DICER1: variants seen among roughly 807,000 people sequenced by gnomAD.
The protein encoded by DICER1 is dicer 1, ribonuclease III, also known as endoribonuclease Dicer.
A neutral mutation model predicts 194.1 loss-of-function variants in DICER1; 43 were observed. The ratio of observed to expected loss-of-function variants is 0.22; its 90% confidence interval spans 0.17 to 0.29. The LOEUF (loss-of-function observed/expected upper bound fraction) is 0.29. DICER1 is among the 10% of genes least tolerant of loss of function. The pLI is 1.00. For synonymous variants in DICER1, 832 were observed against 820.5 expected (o/e 1.01, Z -0.24); for missense variants, 1,608 against 2,317.0 (o/e 0.69, Z 6.28).
chr14:95,098,299 C>T (rs1251421892), intron 22 of DICER1, among the ~76,000 whole-genome samples: 2 of 152,180 alleles, frequency 1.3e-5, no homozygotes, highest in South Asian at 2.1e-4. Context: ...TTGATACTCT[C>T]GTCTATTAAG....
In DICER1 at chr14:95,124,800, T is replaced by G; in HGVS notation, c.904-132A>C. 1.3e-6 allele frequency: 1 copy of G among 756,830 alleles called. No homozygotes were observed. Among genetic ancestry groups the G allele is most frequent in the Non-Finnish European group, 2.2e-6 (1 of 457,146 alleles). 46.9% of individuals were successfully genotyped at this position (756,830 alleles called of 1,614,324 possible). ...GTAACCCAGCCTTAGGTTAAGTCCC[T>G]GAAGGTGGGGGGAGAGGCCATTAGC... On this transcript the variant is annotated intron_variant, in intron 7 of 26. Transcript: ENST00000343455. The surrounding 1 kb of genome is among the most constrained non-coding windows in gnomAD (Gnocchi z 4.5).
At position 95,086,258 on chromosome 14, in the gene DICER1, C is replaced by G. The variant is rs1264668951; in HGVS notation, c.*4240G>C. 8.6e-6 allele frequency: 2 copies of G among 232,256 alleles called. No homozygotes were observed. The highest frequency in any genetic ancestry group is 4.4e-5 in the African/African-American group (2 of 45,260). The allele number at this position is 232,256 out of a possible 1,614,324, so 14.4% of individuals were successfully genotyped here. A position where few individuals can be genotyped will look rare whatever the true frequency, so the allele number is the denominator to read the frequency against. On this transcript the variant is annotated 3_prime_UTR_variant, in exon 27 of 27. Transcript: ENST00000343455. Reference sequence around the variant, plus strand: ...AGACGATAACTTTATTGGAGATTTACTTGGCTACAATTATTACAAAAAAAA... The same window carrying G: ...AGACGATAACTTTATTGGAGATTTAGTTGGCTACAATTATTACAAAAAAAA...
chr14:95,120,397 G>A (rs1892841651), intron 8 of DICER1, among the ~76,000 whole-genome samples: 1 of 152,302 alleles, frequency 6.6e-6, no homozygotes, highest in South Asian at 2.1e-4. Context: ...CAACAAGCCA[G>A]TAAGAGAGGG....
intron 6 of DICER1, chr14:95,129,110 T>C (rs114086749): frequency 0.011 from 2,118 of 187,374 alleles, 41 homozygotes; most frequent in African/African-American, 0.047. Flanking sequence ...AATAACTTAA[T>C]GTTCTTTGAA....
rs1889629234 is a variant in DICER1 at position 95,089,805 on chromosome 14, T to C, written c.*693A>G. 1 of 232,378 alleles carries C rather than the reference T, an allele frequency of 4.3e-6. No homozygotes were observed. Among genetic ancestry groups the C allele is most frequent in the Non-Finnish European group, 8.5e-6 (1 of 117,426 alleles). The allele number at this position is 232,378 out of a possible 1,614,324, so 14.4% of individuals were successfully genotyped here. ...AGTTTGTTCCAAAAAGATCAGAGAT[T>C]AAAGACTATCCATGAAGGTTTCACT... On this transcript the variant is annotated 3_prime_UTR_variant, in exon 27 of 27. Coordinates refer to ENST00000343455, the MANE Select transcript of DICER1 (RefSeq NM_177438.3).
At position 95,107,856 on chromosome 14, in the gene DICER1, CAAAGTA is replaced by C; in HGVS notation, c.2650+18_2650+23del. On this transcript the variant is annotated intron_variant, in intron 16 of 26. Coordinates refer to ENST00000343455, the MANE Select transcript of DICER1 (RefSeq NM_177438.3). ...TGTTTGTATATGTGTCTAGAGTTATCAAAGTAAGAGATTTTTTTCTTACCAACATTA... is the reference window on the plus strand; with the variant it reads ...TGTTTGTATATGTGTCTAGAGTTATCAGAGATTTTTTTCTTACCAACATTA... The C allele has an allele frequency of 6.2e-7, 1 of 1,609,496 alleles. No homozygotes were observed. Among genetic ancestry groups the C allele is most frequent in the Non-Finnish European group, 8.5e-7 (1 of 1,175,930 alleles).
At position 95,124,729 on chromosome 14, in the gene DICER1, T is replaced by G; in HGVS notation, c.904-61A>C. On this transcript the variant is annotated intron_variant, in intron 7 of 26. Transcript: ENST00000343455. The surrounding 1 kb of genome is among the most constrained non-coding windows in gnomAD (Gnocchi z 4.5). ...ATAATAATAATGTAGCATTTTCATG[T>G]GGGGTTTAACTGGGATTTCAGTTGT... is the stretch of plus-strand genomic sequence containing the variant. The G allele has an allele frequency of 7.1e-7, 1 of 1,399,208 alleles. No individual in the cohort carries two copies. The highest frequency in any genetic ancestry group is 1.2e-5 in the South Asian group (1 of 85,730). 86.7% of individuals were successfully genotyped at this position (1,399,208 alleles called of 1,614,324 possible). A position where few individuals can be genotyped will look rare whatever the true frequency, so the allele number is the denominator to read the frequency against.
intron 1 of DICER1, among the ~76,000 whole-genome samples, chr14:95,149,323 G>C (rs1427847554): frequency 2.0e-5 from 3 of 152,146 alleles, no homozygotes; most frequent in Admixed American, 6.5e-5. Flanking sequence ...TATATTAAAA[G>C]GTCCAGGCAA....
intron 11 of DICER1, among the ~76,000 whole-genome samples, chr14:95,114,460 C>T (rs968922330): frequency 2.0e-5 from 3 of 152,056 alleles, no homozygotes; most frequent in South Asian, 2.1e-4. Flanking sequence ...AATGAATAAA[C>T]GGAGAGAAGA....
At chr14:95,107,441 G>A (rs1218370474) in intron 17 of DICER1, among the ~76,000 whole-genome samples, 167 bp downstream of exon 17, 1 of 151,922 alleles carries the variant, frequency 6.6e-6, no homozygotes, top group Non-Finnish European at 1.5e-5. Flanking sequence ...TAGTAGAGAC[G>A]AGGTTTCACC....
Position 95,090,412 on chromosome 14 carries a change from A to G in DICER1, c.*86T>C. 1 of 1,485,472 alleles carries G rather than the reference A, an allele frequency of 6.7e-7. No homozygotes were observed. Among genetic ancestry groups the G allele is most frequent in the South Asian group, 1.1e-5 (1 of 87,772 alleles). The allele number at this position is 1,485,472 out of a possible 1,614,324, so 92.0% of individuals were successfully genotyped here. On this transcript the variant is annotated 3_prime_UTR_variant, in exon 27 of 27. Transcript: ENST00000343455. ...CCTTCAATTCATTCCACTCACTAAC[A>G]ACTTTAAGTCTTCCTTTCCGATTTA...
At chr14:95,107,407 C>G (rs1182811911) in intron 17 of DICER1, among the ~76,000 whole-genome samples, 1 of 151,934 alleles carries the variant, frequency 6.6e-6, no homozygotes, top group African/African-American at 2.4e-5. Context: ...TGCACCACCA[C>G]GCCTGGCTAA....
At chr14:95,139,215 A>G (rs1159132426) in intron 1 of DICER1, among the ~76,000 whole-genome samples, 2 of 152,214 alleles carry the variant, frequency 1.3e-5, no homozygotes, top group East Asian at 3.8e-4. Context: ...TATAGTCTTA[A>G]TCCATAAAAT....
rs765091424 is a variant in DICER1, at chr14:95,099,754, AC to A, written c.4206+25del. ...GTTACACACACACACACACACACACACACACACACACACACACAAACTTACC... is the reference window on the plus strand; with the variant it reads ...GTTACACACACACACACACACACACAACACACACACACACACAAACTTACC... On this transcript the variant is annotated intron_variant, in intron 22 of 26. Coordinates refer to ENST00000343455, the MANE Select transcript of DICER1 (RefSeq NM_177438.3). 9.9e-5 allele frequency: 159 copies of A among 1,598,880 alleles called. No homozygotes were observed. Among genetic ancestry groups the A allele is most frequent in the Middle Eastern group, 5.0e-4 (3 of 6,010 alleles).
intron 1 of DICER1, among the ~76,000 whole-genome samples, chr14:95,156,233 G>A (rs1035746556): frequency 6.6e-6 from 1 of 152,220 alleles, no homozygotes; most frequent in African/African-American, 2.4e-5. Context: ...GAAGACACCT[G>A]ACAATCAGGA....
chr14:95,156,626 G>A (rs548034951), intron 1 of DICER1, among the ~76,000 whole-genome samples: 25 of 152,368 alleles, frequency 1.6e-4, no homozygotes, highest in South Asian at 1.4e-3. Flanking sequence ...TCCTCCGCAG[G>A]GTCTAGGCAT....
intron 2 of DICER1, 134 bp downstream of exon 2, chr14:95,133,181 A>T: frequency 1.1e-6 from 1 of 869,928 alleles, no homozygotes; most frequent in Non-Finnish European, 1.9e-6. Context: ...GAATAAAAGT[A>T]TTTTAAATGA....
chr14:95,125,032 A>T (rs549235920), intron 7 of DICER1, among the ~76,000 whole-genome samples: 1 of 152,346 alleles, frequency 6.6e-6, no homozygotes, highest in Admixed American at 6.5e-5. Flanking sequence ...TTAGGCATCA[A>T]GGAAGAGCAA....
At chr14:95,155,122 T>C (rs982303008) in intron 1 of DICER1, among the ~76,000 whole-genome samples, 1 of 152,224 alleles carries the variant, frequency 6.6e-6, no homozygotes, top group Non-Finnish European at 1.5e-5. Flanking sequence ...CACTGACTCT[T>C]AGTTTCCTTG....
Sources: gnomAD v4.1 joint callset for allele counts (sites outside exome capture counted in the v4.1 genomes callset) on GRCh38, gnomAD v4.1.1 for gene constraint, Gnocchi (gnomAD v3.1) non-coding constraint, MANE v1.5 for transcripts, NCBI Gene and HGNC (gene_info 2026-07-23, HGNC 2026-07-21) for gene names.